The following CCSER1 variants were observed in gnomAD, a reference collection of about 807,000 sequenced individuals.
CCSER1 encodes the protein coiled-coil serine rich protein 1.
Under a neutral mutation model 82.0 loss-of-function variants are expected in CCSER1, and 41 were observed. The ratio of observed to expected loss-of-function variants is 0.50; its 90% confidence interval spans 0.39 to 0.65. CCSER1 has a LOEUF of 0.65. CCSER1 is among the 30% of genes least tolerant of loss of function. The probability of loss-of-function intolerance (pLI) is 0.00; values close to 1 mark genes in which losing one functional copy is unlikely to be tolerated. For synonymous variants in CCSER1, 414 were observed against 383.9 expected (o/e 1.08, Z -0.92); for missense variants, 1,119 against 1,064.2 (o/e 1.05, Z -0.72).
At chr4:90,220,351 AAAC>A (rs1429035320) in intron 1 of CCSER1, among the ~76,000 whole-genome samples, 3 of 152,108 alleles carry the variant, frequency 2.0e-5, no homozygotes, top group Non-Finnish European at 4.4e-5. Context: ...ACTTATCTCA[AAAC>A]AACAAACTAT....
At chr4:90,697,537 C>A (rs1193932984) in intron 6 of CCSER1, among the ~76,000 whole-genome samples, 1 of 149,176 alleles carries the variant, frequency 6.7e-6, no homozygotes, top group African/African-American at 2.6e-5. Flanking sequence ...TAAAAAAAAA[C>A]AATTCTTACC....
intron 4 of CCSER1, among the ~76,000 whole-genome samples, chr4:90,423,034 G>A (rs1399825351): frequency 2.6e-5 from 4 of 152,046 alleles, no homozygotes; most frequent in Non-Finnish European, 5.9e-5. Context: ...ATCAGTATAT[G>A]CACTGAAAGA....
At chr4:91,174,419 T>G (rs1440921794) in intron 10 of CCSER1, among the ~76,000 whole-genome samples, 1 of 152,144 alleles carries the variant, frequency 6.6e-6, no homozygotes, top group Non-Finnish European at 1.5e-5. Context: ...GACAGAGATT[T>G]TGATGGACAA....
chr4:91,133,736 T>C (rs1243504451), intron 10 of CCSER1, among the ~76,000 whole-genome samples: 1 of 152,112 alleles, frequency 6.6e-6, no homozygotes, highest in African/African-American at 2.4e-5. Flanking sequence ...ACAACAGGGC[T>C]CTTGGAATAA....
intron 7 of CCSER1, among the ~76,000 whole-genome samples, chr4:90,743,749 A>G (rs1746936323): frequency 6.6e-6 from 1 of 152,168 alleles, no homozygotes; most frequent in Non-Finnish European, 1.5e-5. Context: ...TTTGCCAGAG[A>G]CAGAAACTTC....
intron 8 of CCSER1, among the ~76,000 whole-genome samples, chr4:90,884,258 A>G (rs753880501): frequency 6.6e-6 from 1 of 152,210 alleles, no homozygotes; most frequent in Non-Finnish European, 1.5e-5. Context: ...CATATAGTAC[A>G]TTCTACAAAA....
intron 1 of CCSER1, among the ~76,000 whole-genome samples, chr4:90,133,790 T>G (rs889972749): frequency 6.6e-6 from 1 of 152,190 alleles, no homozygotes; most frequent in African/African-American, 2.4e-5. Flanking sequence ...AGTTTAAATT[T>G]TACCTGTTTT....
intron 10 of CCSER1, among the ~76,000 whole-genome samples, chr4:91,273,706 C>G (rs534335782): frequency 1.3e-5 from 2 of 152,052 alleles, no homozygotes; most frequent in Non-Finnish European, 2.9e-5. Context: ...GTGCTTTAAA[C>G]TTTTCTCTAT....
Position 90,263,157 on chromosome 4 carries a change from C to T in CCSER1, c.-41-45087C>T, listed in dbSNP as rs531048220. The stretch of plus-strand genomic sequence containing the variant: ...CCCACCAGCGGAAAGATCTGGGACT[C>T]AAGTCCTGCCATCCGGATTCTTTTG... On this transcript the variant is annotated intron_variant, in intron 1 of 10. Coordinates refer to ENST00000509176, the MANE Select transcript of CCSER1 (RefSeq NM_001145065.2). Among the ~76,000 whole-genome samples, 14 of 152,340 alleles carry T rather than the reference C, an allele frequency of 9.2e-5. No homozygotes were observed. In the South Asian group the frequency reaches 2.7e-3, roughly 29 times the overall value.
chr4:90,257,985 T>C (rs1723654738), intron 1 of CCSER1, among the ~76,000 whole-genome samples: 1 of 152,184 alleles, frequency 6.6e-6, no homozygotes, highest in Non-Finnish European at 1.5e-5. Context: ...TCAATAATGT[T>C]TAACCAAATA....
chr4:91,420,093 A>C (rs1753606470), intron 10 of CCSER1, among the ~76,000 whole-genome samples: 6 of 152,120 alleles, frequency 3.9e-5, no homozygotes, highest in African/African-American at 1.4e-4. Flanking sequence ...AAACTCTAAA[A>C]GTCCTAGAAG....
At chr4:90,796,141 G>C (rs1282755737) in intron 7 of CCSER1, among the ~76,000 whole-genome samples, 1 of 151,956 alleles carries the variant, frequency 6.6e-6, no homozygotes, top group African/African-American at 2.4e-5. Context: ...TTGTTTTGAA[G>C]GCTATTTGTT....
Position 91,319,657 on chromosome 4 carries a change from C to T in CCSER1, c.2217+233663C>T, listed in dbSNP as rs563232946. The T allele has an allele frequency of 1.5e-5, 7 of 455,684 alleles. No homozygotes were observed. The East Asian group carries it at 4.9e-4, about 32-fold the overall frequency. The allele number at this position is 455,684 out of a possible 1,614,324, so 28.2% of individuals were successfully genotyped here. On this transcript the variant is annotated intron_variant, in intron 10 of 10. Coordinates refer to ENST00000509176, the MANE Select transcript of CCSER1 (RefSeq NM_001145065.2). ...AATATTAACCTACCTAATACAAAAC[C>T]CAGTCTGTGATTCTCCCTTCTCCAC...
At chr4:91,554,624 C>A (rs2110234212) in intron 10 of CCSER1, among the ~76,000 whole-genome samples, 1 of 151,102 alleles carries the variant, frequency 6.6e-6, no homozygotes, top group Non-Finnish European at 1.5e-5. Context: ...TCCATACTAC[C>A]CAATGCAGTC....
chr4:91,380,219 T>C (rs1318593785), intron 10 of CCSER1, among the ~76,000 whole-genome samples: 1 of 152,192 alleles, frequency 6.6e-6, no homozygotes, highest in South Asian at 2.1e-4. Context: ...ATAATATATA[T>C]TCTGTTGATT....
At chr4:90,339,450 A>G (rs900280753) in intron 3 of CCSER1, among the ~76,000 whole-genome samples, 2 of 151,690 alleles carry the variant, frequency 1.3e-5, no homozygotes, top group African/African-American at 4.8e-5. Context: ...ACACTTCCCA[A>G]TGGCTTCCCA....
intron 1 of CCSER1, among the ~76,000 whole-genome samples, chr4:90,194,807 A>G (rs1269573342): frequency 6.6e-6 from 1 of 152,076 alleles, no homozygotes; most frequent in Non-Finnish European, 1.5e-5. Flanking sequence ...AGAAGAAATT[A>G]AAAAGAAAAA....
chr4:90,735,508 G>A (rs1390936479), intron 7 of CCSER1, among the ~76,000 whole-genome samples: 1 of 151,932 alleles, frequency 6.6e-6, no homozygotes, highest in East Asian at 1.9e-4. Context: ...ACTTATTATT[G>A]GTCTGTTCAG....
Position 90,701,960 on chromosome 4 carries a change from T to C in CCSER1, c.1933-21954T>C, listed in dbSNP as rs1325375997. Among the ~76,000 whole-genome samples the C allele has an allele frequency of 4.6e-5, 7 of 152,304 alleles. No individual in the cohort carries two copies. In the East Asian group the frequency reaches 1.4e-3, roughly 30 times the overall value. On this transcript the variant is annotated intron_variant, in intron 6 of 10. Coordinates refer to ENST00000509176, the MANE Select transcript of CCSER1 (RefSeq NM_001145065.2). The stretch of plus-strand genomic sequence containing the variant: ...TTCTTCTTTTCCTAATTGAATATGC[T>C]TTATTTCTTTCTCCTGCTTGATTGC...
Sources: allele counts gnomAD v4.1 joint callset (sites outside exome capture counted in the v4.1 genomes callset), GRCh38; gene constraint gnomAD v4.1.1; transcripts MANE v1.5; gene names NCBI Gene and HGNC (gene_info 2026-07-23, HGNC 2026-07-21).